The following MYOM2 variants were observed in gnomAD, a reference collection of about 807,000 sequenced individuals.
The protein encoded by MYOM2 is myomesin 2.
Under a neutral mutation model 187.6 loss-of-function variants are expected in MYOM2, and 254 were observed. The ratio of observed to expected loss-of-function variants is 1.35; its 90% CI spans 1.22 to 1.50. MYOM2 has a LOEUF of 1.50. Among genes scored for constraint, MYOM2 ranks in the 40% most tolerant of loss-of-function variants. The pLI, the probability that MYOM2 is intolerant of heterozygous loss-of-function variation, is 0.00. For missense variants in MYOM2, 2,796 were observed against 1,924.0 expected (o/e 1.45, Z -8.48); for synonymous variants, 981 against 753.8 (o/e 1.30, Z -4.94).
At chr8:2,137,970 C>T (rs1323835690) in intron 32 of MYOM2, among the ~76,000 whole-genome samples, 1 of 152,210 alleles carries the variant, frequency 6.6e-6, no homozygotes, top group Non-Finnish European at 1.5e-5. Flanking sequence ...GGCTAATCCA[C>T]TGCCTGGTAT....
chr8:2,126,471 C>T (rs548523884), intron 31 of MYOM2, among the ~76,000 whole-genome samples: 6 of 152,040 alleles, frequency 3.9e-5, no homozygotes, highest in Non-Finnish European at 7.4e-5. Context: ...CCTACACACT[C>T]ACACACTCAT....
At position 2,144,973 on chromosome 8, in the gene MYOM2, G is replaced by A. The variant is rs1418707082; in HGVS notation, c.4390G>A (p.Gly1464Ser). 6.2e-7 allele frequency: 1 copy of A among 1,613,542 alleles called. No individual in the cohort carries two copies. Among genetic ancestry groups the A allele is most frequent in the Non-Finnish European group, 8.5e-7 (1 of 1,179,842 alleles). Reference protein sequence around the residue: ...KLIPASASAAGQ With the variant: ...KLIPASASAASQ ...CATCCCCGCGTCTGCCTCAGCGGCA[G>A]GCCAGTGAAGGCGTTTTCCTAGCCT... The change falls in exon 37 of 37, where the codon GGC becomes AGC. Residue 1464 changes from glycine (G) to serine (S), a missense_variant. Gly to Ser is a moderately conservative substitution (Grantham distance 56, BLOSUM62 0). Transcript: ENST00000262113.
At chr8:2,047,526 G>C (rs1041515588) in intron 1 of MYOM2, among the ~76,000 whole-genome samples, 1 of 152,208 alleles carries the variant, frequency 6.6e-6, no homozygotes, top group African/African-American at 2.4e-5. Flanking sequence ...GCTCTAAGGT[G>C]TTTTCATTGT....
intron 32 of MYOM2, among the ~76,000 whole-genome samples, chr8:2,139,543 G>T (rs1033234763): frequency 6.6e-6 from 1 of 152,120 alleles, no homozygotes; most frequent in South Asian, 2.1e-4. Context: ...TCCCTTTCCC[G>T]ATGGAACATA....
At chr8:2,100,077 CT>C (rs1796637576) in intron 19 of MYOM2, among the ~76,000 whole-genome samples, 23,344 of 90,964 alleles carry the variant, frequency 0.26, 4,991 homozygotes, top group East Asian at 0.43. Context: ...TCTTTCCTTC[CT>C]TTCTTCTTTC....
chr8:2,072,455 C>G lies in MYOM2; in HGVS notation c.904C>G (p.Leu302Val), dbSNP rs1051738571. The part of the protein sequence containing the change: ...GETVTLKCTM[L>V]VTPDLKRVQP... ...GACGGTCACTCTCAAGTGCACCATG[C>G]TGGTGACGCCGGACCTGAAGCGGGT... The change falls in exon 9 of 37, where the codon CTG becomes GTG. Residue 302 changes from leucine to valine, a missense_variant. Physicochemically the swap from Leu to Val is conservative, Grantham distance 32. Coordinates refer to ENST00000262113, the MANE Select transcript of MYOM2 (RefSeq NM_003970.4). 3 of 1,614,090 alleles carry G rather than the reference C, an allele frequency of 1.9e-6. No individual in the cohort carries two copies. Among genetic ancestry groups the G allele is most frequent in the Non-Finnish European group, 1.7e-6 (2 of 1,180,038 alleles).
rs1429459079 is a variant in MYOM2, at chr8:2,092,428, TGAG to T, written c.1917_1919del (p.Glu639del). On this transcript the variant is annotated inframe_deletion, in exon 16 of 37. Transcript: ENST00000262113. ...TGGTGCAGTGGGACCGACCTAAGCA[TGAG>T]GAGGACCTGCTGGGCTACTACGTGG... 1.2e-6 allele frequency: 2 copies of T among 1,614,004 alleles called. No homozygotes were observed. The highest frequency in any genetic ancestry group is 2.7e-5 in the African/African-American group (2 of 74,904).
rs1251611794 is a variant in MYOM2 at position 2,096,384 on chromosome 8, A to G, written c.2263A>G (p.Lys755Glu). The G allele has an allele frequency of 6.2e-7, 1 of 1,614,106 alleles. No individual in the cohort carries two copies. The highest frequency in any genetic ancestry group is 8.5e-7 in the Non-Finnish European group (1 of 1,180,054). The change falls in exon 18 of 37, where the codon AAA (lysine) becomes GAA (glutamate). Residue 755 changes from lysine (K) to glutamate (E), a missense_variant. Coordinates refer to ENST00000262113, the MANE Select transcript of MYOM2 (RefSeq NM_003970.4). The stretch of plus-strand genomic sequence containing the variant: ...CCTGGACAAGCGTGAAGTTCACCAT[A>G]AAAACTGGCACGAGGTCAATTCCTC... ...YYLDKREVHH[K>E]NWHEVNSSPS... is the part of the protein sequence containing the mutation.
At position 2,079,620 on chromosome 8, in the gene MYOM2, A is replaced by G. The variant is rs747867738; in HGVS notation, c.1516+7A>G. 2 of 1,613,990 alleles carry G rather than the reference A, an allele frequency of 1.2e-6. No homozygotes were observed. The highest frequency in any genetic ancestry group is 8.5e-7 in the Non-Finnish European group (1 of 1,179,838). Reference sequence around the variant, plus strand: ...TATCAGGATGACCTTGAAGGTAAGTAGCACCTCATCACCCCAGCTGCTCAG... The same window carrying G: ...TATCAGGATGACCTTGAAGGTAAGTGGCACCTCATCACCCCAGCTGCTCAG... On this transcript the variant is annotated splice_region_variant and intron_variant, in intron 13 of 36. Transcript: ENST00000262113.
At chr8:2,083,314 G>A (rs1452664812) in intron 13 of MYOM2, among the ~76,000 whole-genome samples, 1 of 152,066 alleles carries the variant, frequency 6.6e-6, no homozygotes, top group East Asian at 1.9e-4. Context: ...TCTCATGTGT[G>A]TTTAGCAGTG....
chr8:2,101,152 C>G, intron 20 of MYOM2, 98 bp downstream of exon 20: 3 of 1,249,164 alleles, frequency 2.4e-6, no homozygotes, highest in Non-Finnish European at 3.4e-6. Flanking sequence ...TCGAAACCAG[C>G]CTGGCCAACA....
At position 2,078,715 on chromosome 8, in the gene MYOM2, T is replaced by C; in HGVS notation, c.1263-19T>C. 2 of 1,613,542 alleles carry C rather than the reference T, an allele frequency of 1.2e-6. No homozygotes were observed. The highest frequency in any genetic ancestry group is 1.7e-6 in the Non-Finnish European group (2 of 1,179,570). On this transcript the variant is annotated intron_variant, in intron 11 of 36. Coordinates refer to ENST00000262113, the MANE Select transcript of MYOM2 (RefSeq NM_003970.4). ...CCACATTTGCTATTCTCTGTTGTTT[T>C]TCTTTTTTTAACTTGAAGATGTGAA...
rs1485621416 is a variant in MYOM2 at position 2,102,788 on chromosome 8, C to T, written c.2734+7C>T. On this transcript the variant is annotated splice_region_variant and intron_variant, in intron 21 of 36. Coordinates refer to ENST00000262113, the MANE Select transcript of MYOM2 (RefSeq NM_003970.4). ...CTGGTAGAGGCGAGACCAGGTAAGG[C>T]TTACAACAAAAACTACAAAACAGCA... is the stretch of plus-strand genomic sequence containing the variant. 1.2e-6 allele frequency: 2 copies of T among 1,605,926 alleles called. No homozygotes were observed. Among genetic ancestry groups the T allele is most frequent in the Admixed American group, 3.3e-5 (2 of 59,878 alleles).
intron 1 of MYOM2, among the ~76,000 whole-genome samples, chr8:2,046,875 G>T (rs575417949): frequency 6.6e-6 from 1 of 151,944 alleles, no homozygotes; most frequent in South Asian, 2.1e-4. Context: ...ATCGGCCCAG[G>T]TCCTGTCATT....
intron 10 of MYOM2, among the ~76,000 whole-genome samples, chr8:2,074,436 C>G (rs1053834282): frequency 6.6e-6 from 1 of 151,976 alleles, no homozygotes; most frequent in African/African-American, 2.4e-5. Context: ...AGGGGCCCAC[C>G]TACTCCCACT....
chr8:2,094,030 T>TC lies in MYOM2; in HGVS notation c.2064_2065insC (p.Ala689ArgfsTer6). On this transcript the variant is annotated frameshift_variant, in exon 17 of 37. Coordinates refer to ENST00000262113, the MANE Select transcript of MYOM2 (RefSeq NM_003970.4). LOFTEE classifies it high-confidence loss of function. ...ACATCTTCCGAGTCAAGGCGGTCAA[T>TC]GCTGTGGGGATGAGTGAAAATTCCC... The TC allele has an allele frequency of 1.2e-6, 2 of 1,614,148 alleles. No individual in the cohort carries two copies. Among genetic ancestry groups the TC allele is most frequent in the Non-Finnish European group, 1.7e-6 (2 of 1,180,038 alleles).
rs759615312 is a variant in MYOM2 at position 2,076,258 on chromosome 8, C to A, written c.1238C>A (p.Pro413His). Reference protein sequence around the residue: ...WKPPNTTTESPVMGYFVDRCE... With the variant: ...WKPPNTTTESHVMGYFVDRCE... ...CCGCCCAACACCACCACTGAGAGCCCCGTCATGGGCTATTTTGTGGACCGG... is the reference window on the plus strand; with the variant it reads ...CCGCCCAACACCACCACTGAGAGCCACGTCATGGGCTATTTTGTGGACCGG... The change falls in exon 11 of 37, where the codon CCC becomes CAC. Residue 413 changes from proline (P) to histidine (H), a missense_variant. Physicochemically the swap from Pro to His is moderately conservative, Grantham distance 77 (BLOSUM62 -2). Transcript: ENST00000262113. The A allele has an allele frequency of 6.8e-6, 11 of 1,613,662 alleles. No homozygotes were observed. The East Asian group carries it at 2.5e-4, about 36-fold the overall frequency.
intron 21 of MYOM2, among the ~76,000 whole-genome samples, chr8:2,103,506 G>A (rs1478346953): frequency 6.6e-6 from 1 of 151,222 alleles, no homozygotes; most frequent in Non-Finnish European, 1.5e-5. Context: ...ATAAATGAGT[G>A]GGAGAGTGTG....
rs1819413001 is a variant in MYOM2, at chr8:2,076,210, A to AC, written c.1191dup (p.Tyr398LeufsTer14). On this transcript the variant is annotated frameshift_variant, in exon 11 of 37. Coordinates refer to ENST00000262113, the MANE Select transcript of MYOM2 (RefSeq NM_003970.4). LOFTEE classifies it high-confidence loss of function. ...TTGCAGTGCCACGACGCCAACCGGG[A>AC]CTACGTCATCGTGACCTGGAAGCCG... The AC allele has an allele frequency of 6.2e-7, 1 of 1,613,514 alleles. No individual in the cohort carries two copies. Among genetic ancestry groups the AC allele is most frequent in the Non-Finnish European group, 8.5e-7 (1 of 1,179,926 alleles).
Sources: allele counts gnomAD v4.1 joint callset (sites outside exome capture counted in the v4.1 genomes callset), GRCh38; gene constraint gnomAD v4.1.1; transcripts MANE v1.5; gene names NCBI Gene and HGNC (gene_info 2026-07-23, HGNC 2026-07-21).